DNAH14: variants seen among roughly 807,000 people sequenced by gnomAD.
DNAH14 encodes the protein axonemal beta dynein heavy chain 14.
A neutral mutation model predicts 520.9 loss-of-function variants in DNAH14; 478 were observed. That is an observed-to-expected ratio of 0.92 (90% CI 0.85 to 0.99). The LOEUF (loss-of-function observed/expected upper bound fraction) is 0.99. Among genes scored for constraint, DNAH14 ranks in the 50% least tolerant of loss-of-function variants. DNAH14 has a pLI of 0.00. For missense variants in DNAH14, 4,831 were observed against 5,234.5 expected (o/e 0.92, Z 2.38); for synonymous variants, 1,581 against 1,757.2 (o/e 0.90, Z 2.51).
chr1:225,397,929 C>A (rs1399291903), intron 84 of DNAH14: 1 of 151,730 alleles, frequency 6.6e-6, no homozygotes, highest in Non-Finnish European at 1.5e-5. Flanking sequence ...CTCCTGTAAT[C>A]CCAGCTACTC....
At chr1:225,361,787 A>G (rs555959314) in intron 75 of DNAH14, among the ~76,000 whole-genome samples, 1 of 152,332 alleles carries the variant, frequency 6.6e-6, no homozygotes, top group South Asian at 2.1e-4. Flanking sequence ...TGGGGAGCCA[A>G]GGCAAGATAA....
At chr1:224,992,633 TAAGA>T (rs1182794999) in intron 8 of DNAH14, among the ~76,000 whole-genome samples, 1 of 152,142 alleles carries the variant, frequency 6.6e-6, no homozygotes, top group East Asian at 1.9e-4. Context: ...GGTTTTTCCT[TAAGA>T]ACATGTTGTC....
intron 41 of DNAH14, among the ~76,000 whole-genome samples, chr1:225,223,753 G>A (rs2090279364): frequency 6.6e-6 from 1 of 152,170 alleles, no homozygotes; most frequent in African/African-American, 2.4e-5. Context: ...TGTCAATAAT[G>A]CAAGGCCAGC....
At chr1:225,134,958 G>T (rs1213906034) in intron 27 of DNAH14, among the ~76,000 whole-genome samples, 1 of 151,980 alleles carries the variant, frequency 6.6e-6, no homozygotes, top group South Asian at 2.1e-4. Flanking sequence ...TTGGGACGGT[G>T]TATTTGTCCA....
intron 23 of DNAH14, among the ~76,000 whole-genome samples, chr1:225,107,312 C>CG (rs1310599643): frequency 6.6e-6 from 1 of 152,144 alleles, no homozygotes; most frequent in Non-Finnish European, 1.5e-5. Context: ...TCAGGCTACT[C>CG]GGGGATCAGG....
chr1:225,058,756 A>G (rs1312723802), intron 17 of DNAH14, among the ~76,000 whole-genome samples: 1 of 152,148 alleles, frequency 6.6e-6, no homozygotes, highest in Non-Finnish European at 1.5e-5. Context: ...GTTTCAAAGA[A>G]CATCTTTATT....
At chr1:225,206,234 A>C in intron 40 of DNAH14, 55 bp downstream of exon 40, 1 of 1,400,820 alleles carries the variant, frequency 7.1e-7, no homozygotes, top group Non-Finnish European at 9.6e-7. Context: ...TTATGATAGT[A>C]ACTATTTATT....
At chr1:225,149,739 A>G (rs930240218) in intron 31 of DNAH14, among the ~76,000 whole-genome samples, 4 of 152,156 alleles carry the variant, frequency 2.6e-5, no homozygotes, top group Admixed American at 2.0e-4. Flanking sequence ...GTGTGTAGGA[A>G]TGCTAGTGAT....
intron 38 of DNAH14, among the ~76,000 whole-genome samples, chr1:225,199,088 G>T (rs1646559626): frequency 6.6e-6 from 1 of 152,024 alleles, no homozygotes; most frequent in Non-Finnish European, 1.5e-5. Flanking sequence ...TGTCTTTCTA[G>T]GAATTTATCC....
At chr1:225,252,438 C>G in intron 44 of DNAH14, 21 bp downstream of exon 44, 1 of 1,304,320 alleles carries the variant, frequency 7.7e-7, no homozygotes, top group Non-Finnish European at 1.1e-6. Context: ...TTATAAGAAT[C>G]ATACTTGTAA....
chr1:225,172,471 A>G (rs2082806705), intron 36 of DNAH14, among the ~76,000 whole-genome samples: 1 of 152,196 alleles, frequency 6.6e-6, no homozygotes, highest in Admixed American at 6.5e-5. Flanking sequence ...CACCAATAAC[A>G]GACAAACAGA....
Position 225,335,652 on chromosome 1 carries a change from C to T in DNAH14, c.10081-1614C>T, listed in dbSNP as rs1251111321. On this transcript the variant is annotated intron_variant, in intron 66 of 85. Transcript: ENST00000682510. ...ATACATATGTGCATATATGTATATA[C>T]GCATATATACATATGTGCATATATG... Among the ~76,000 whole-genome samples the T allele has an allele frequency of 4.3e-5, 5 of 116,066 alleles. 1 individual carries two copies. Among genetic ancestry groups the T allele is most frequent in the East Asian group, 5.2e-4 (2 of 3,874 alleles). The allele number at this position is 116,066 out of a possible 152,430, so 76.1% of individuals were successfully genotyped here.
At chr1:225,322,195 A>G (rs1191275111) in intron 61 of DNAH14, among the ~76,000 whole-genome samples, 1 of 146,036 alleles carries the variant, frequency 6.8e-6, no homozygotes, top group African/African-American at 2.5e-5. Flanking sequence ...GGTTCAAGCA[A>G]TTCTCCTGCT....
intron 17 of DNAH14, among the ~76,000 whole-genome samples, chr1:225,066,956 C>T (rs1026022007): frequency 3.9e-5 from 6 of 152,020 alleles, no homozygotes; most frequent in African/African-American, 1.4e-4. Flanking sequence ...CTGCTATAAA[C>T]GTGTGTACAT....
chr1:224,972,525 G>T (rs1342277997), intron 7 of DNAH14, among the ~76,000 whole-genome samples: 6 of 151,726 alleles, frequency 4.0e-5, no homozygotes, highest in Admixed American at 2.6e-4. Flanking sequence ...GAGTGCAGTG[G>T]CATGATCTCG....
intron 23 of DNAH14, among the ~76,000 whole-genome samples, chr1:225,113,874 G>A (rs936116029): frequency 3.3e-5 from 5 of 152,122 alleles, no homozygotes; most frequent in Non-Finnish European, 7.3e-5. Context: ...ACCCTTGAGG[G>A]TAATGGACTC....
chr1:225,057,710 C>T (rs747385704), intron 17 of DNAH14, among the ~76,000 whole-genome samples: 1 of 152,112 alleles, frequency 6.6e-6, no homozygotes, highest in Non-Finnish European at 1.5e-5. Context: ...CCCATCAATA[C>T]CTAATTTATT....
intron 8 of DNAH14, among the ~76,000 whole-genome samples, chr1:224,976,886 G>A (rs2061885341): frequency 6.6e-6 from 1 of 151,488 alleles, no homozygotes; most frequent in Non-Finnish European, 1.5e-5. Context: ...TTACACTGTT[G>A]GTGGGACTGT....
chr1:225,337,138 T>G (rs2095074242), intron 66 of DNAH14, 128 bp from the exon 67 acceptor site: 2 of 840,032 alleles, frequency 2.4e-6, no homozygotes, highest in Non-Finnish European at 3.7e-6. Context: ...GTTCATTTCC[T>G]TAGCATTTTT....
Sources: allele counts gnomAD v4.1 joint callset (sites outside exome capture counted in the v4.1 genomes callset), GRCh38; gene constraint gnomAD v4.1.1; transcripts MANE v1.5; gene names NCBI Gene and HGNC (gene_info 2026-07-23, HGNC 2026-07-21).